The following STEAP4 variants were observed in gnomAD, a reference collection of about 807,000 sequenced individuals.
STEAP4 encodes metalloreductase STEAP4.
STEAP4 carries 36 observed loss-of-function variants against 43.6 expected under a neutral mutation model. The ratio of observed to expected loss-of-function variants is 0.83; its 90% CI spans 0.63 to 1.09. STEAP4 has a LOEUF of 1.09. Ranked by LOEUF, STEAP4 falls within the 50% of genes least tolerant of loss-of-function variation. STEAP4 has a pLI of 0.00. For missense variants in STEAP4, 495 were observed against 546.5 expected, an observed-to-expected ratio of 0.91 and a Z score of 0.94; for synonymous variants, 191 against 196.7, an observed-to-expected ratio of 0.97 and a Z score of 0.24.
At chr7:88,288,198 T>G (rs1481909373) in intron 1 of STEAP4, among the ~76,000 whole-genome samples, 3 of 152,200 alleles carry the variant, frequency 2.0e-5, no homozygotes, top group East Asian at 1.9e-4. Context: ...GAGACAGAGT[T>G]TCGTTCTCGT....
At chr7:88,304,115 C>T (rs1256355329) in intron 1 of STEAP4, 1 of 152,010 alleles carries the variant, frequency 6.6e-6, no homozygotes, top group Non-Finnish European at 1.5e-5. Flanking sequence ...TATTCTCACT[C>T]ATAGGTGGGA....
At position 88,272,544 on chromosome 7, in the gene STEAP4, G is replaced by A. The variant is rs950246389; in HGVS notation, c.*6854C>T. 3 of 152,182 alleles carry A rather than the reference G, an allele frequency of 2.0e-5. No homozygotes were observed. Among genetic ancestry groups the A allele is most frequent in the Non-Finnish European group, 2.9e-5 (2 of 68,040 alleles). The allele number at this position is 152,182 out of a possible 1,614,324, so 9.4% of individuals were successfully genotyped here. A position where few individuals can be genotyped will look rare whatever the true frequency, so the allele number is the denominator to read the frequency against. On this transcript the variant is annotated 3_prime_UTR_variant, in exon 5 of 5. Transcript: ENST00000380079. ...GCACTGTGCAAAGTGTGGTCTGCCC[G>A]TGGTGCTGGCTTGTGAGCTGTTTTT...
In STEAP4 at chr7:88,287,967, G is replaced by A. The variant is rs192141751; in HGVS notation, c.-2-3696C>T. On this transcript the variant is annotated intron_variant, in intron 1 of 4. Coordinates refer to ENST00000380079, the MANE Select transcript of STEAP4 (RefSeq NM_024636.4). Reference sequence around the variant, plus strand: ...CAAGGTTAGTTCTGCCTGCAACCAGGAATGAACAAGGACAGCTTAAAGGTT... The same window carrying A: ...CAAGGTTAGTTCTGCCTGCAACCAGAAATGAACAAGGACAGCTTAAAGGTT... Among the ~76,000 whole-genome samples, 5 of 152,268 alleles carry A rather than the reference G, an allele frequency of 3.3e-5. No homozygotes were observed. The East Asian group carries it at 9.7e-4, about 29-fold the overall frequency.
At chr7:88,297,318 C>T (rs930903995) in intron 1 of STEAP4, among the ~76,000 whole-genome samples, 1 of 152,024 alleles carries the variant, frequency 6.6e-6, no homozygotes, top group African/African-American at 2.4e-5. Flanking sequence ...ACAACACACA[C>T]ATAAAAATAA....
chr7:88,282,146 T>C (rs975142955), intron 3 of STEAP4: 2 of 153,222 alleles, frequency 1.3e-5, no homozygotes, highest in Non-Finnish European at 2.9e-5. Flanking sequence ...TTTTTTTCTT[T>C]CTTTTTTTTT....
At chr7:88,282,000 A>T (rs1451952802) in intron 3 of STEAP4, 2 of 152,194 alleles carry the variant, frequency 1.3e-5, no homozygotes, top group South Asian at 4.1e-4. Context: ...CACACTAGTT[A>T]ACATTTGACT....
intron 3 of STEAP4, chr7:88,282,031 T>C (rs899226243): frequency 1.3e-5 from 2 of 152,162 alleles, no homozygotes; most frequent in Non-Finnish European, 2.9e-5. Flanking sequence ...GGAATTCAAG[T>C]AGGTGTCTTT....
intron 1 of STEAP4, among the ~76,000 whole-genome samples, chr7:88,297,715 AG>A (rs1563503584): frequency 6.6e-6 from 1 of 152,068 alleles, no homozygotes; most frequent in Non-Finnish European, 1.5e-5. Flanking sequence ...TTTTCCAGGC[AG>A]GGGGGAAAGT....
intron 1 of STEAP4, among the ~76,000 whole-genome samples, chr7:88,298,718 A>G (rs958483344): frequency 2.0e-5 from 3 of 152,224 alleles, no homozygotes; most frequent in African/African-American, 7.2e-5. Flanking sequence ...AATAAGTTCT[A>G]GTAACTACTT....
intron 1 of STEAP4, among the ~76,000 whole-genome samples, chr7:88,286,051 A>C (rs1852727674): frequency 6.6e-6 from 1 of 152,186 alleles, no homozygotes; most frequent in South Asian, 2.1e-4. Context: ...AGGTTATCAG[A>C]AACTTGCATT....
chr7:88,286,797 ACACACACACACG>A (rs771735164), intron 1 of STEAP4, among the ~76,000 whole-genome samples: 20,310 of 149,070 alleles, frequency 0.14, 1,568 homozygotes, highest in Non-Finnish European at 0.19. Flanking sequence ...ACACACACAC[ACACACACACACG>A]CAAACAATGT....
intron 1 of STEAP4, among the ~76,000 whole-genome samples, chr7:88,301,699 C>T (rs1352389957): frequency 6.6e-6 from 1 of 152,116 alleles, no homozygotes; most frequent in African/African-American, 2.4e-5. Context: ...CCTCAGCCTC[C>T]CAGGTAGCAG....
intron 1 of STEAP4, among the ~76,000 whole-genome samples, chr7:88,291,267 T>C (rs1458139647): frequency 1.3e-5 from 2 of 152,022 alleles, no homozygotes; most frequent in Admixed American, 1.3e-4. Context: ...GAGGATCACT[T>C]GAGGTCAGGA....
chr7:88,290,495 A>T (rs867692990), intron 1 of STEAP4: 1 of 152,200 alleles, frequency 6.6e-6, no homozygotes, highest in Admixed American at 6.5e-5. Context: ...ACACCTGGTG[A>T]CCATCAACTA....
At chr7:88,286,764 AACACACACAC>A (rs61360123) in intron 1 of STEAP4, among the ~76,000 whole-genome samples, 28 of 133,838 alleles carry the variant, frequency 2.1e-4, no homozygotes, top group East Asian at 1.1e-3. Context: ...CATACATATA[AACACACACAC>A]ACACACACAC....
Position 88,305,613 on chromosome 7 carries a change from G to C in STEAP4, c.-3+1179C>G, listed in dbSNP as rs572950340. Among the ~76,000 whole-genome samples, 9 of 152,326 alleles carry C rather than the reference G, an allele frequency of 5.9e-5. No individual in the cohort carries two copies. The South Asian group carries it at 1.9e-3, about 32-fold the overall frequency. On this transcript the variant is annotated intron_variant, in intron 1 of 4. Transcript: ENST00000380079. The stretch of plus-strand genomic sequence containing the variant: ...AATGATAAATGTGGCAGAACTTTAA[G>C]ATGCTCCTGTGGGAAGAGACTCTTC...
At position 88,290,016 on chromosome 7, in the gene STEAP4, AAAT is replaced by A. The variant is rs1852810162; in HGVS notation, c.-2-5748_-2-5746del. On this transcript the variant is annotated intron_variant, in intron 1 of 4. Coordinates refer to ENST00000380079, the MANE Select transcript of STEAP4 (RefSeq NM_024636.4). ...TGACTGCCTATCTCCTCACTTAAAA[AAAT>A]TATTTTATCCTAATATTTTTATTCT... 3.9e-5 allele frequency among the ~76,000 whole-genome samples: 6 copies of A among 152,324 alleles called. No homozygotes were observed. The South Asian group carries it at 1.2e-3, about 32-fold the overall frequency.
intron 1 of STEAP4, among the ~76,000 whole-genome samples, chr7:88,306,004 G>T (rs1563507007): frequency 6.6e-6 from 1 of 152,140 alleles, no homozygotes; most frequent in Non-Finnish European, 1.5e-5. Flanking sequence ...GTGTAGCTGG[G>T]ATTACAGGCA....
intron 1 of STEAP4, among the ~76,000 whole-genome samples, chr7:88,284,694 G>A (rs1852696428): frequency 6.6e-6 from 1 of 152,138 alleles, no homozygotes; most frequent in Non-Finnish European, 1.5e-5. Context: ...TTCTACAAAT[G>A]TGAAGATTAG....
Sources: allele counts gnomAD v4.1 joint callset (sites outside exome capture counted in the v4.1 genomes callset), GRCh38; gene constraint gnomAD v4.1.1; transcripts MANE v1.5; gene names NCBI Gene and HGNC (gene_info 2026-07-23, HGNC 2026-07-21).